Variants in ATP6V0D2 observed in about 807,000 individuals in gnomAD.
ATP6V0D2 encodes V-type proton ATPase subunit d 2.
Under a neutral mutation model 40.0 loss-of-function variants are expected in ATP6V0D2, and 40 were observed. That is an observed-to-expected ratio of 1.00 (90% CI 0.78 to 1.30). ATP6V0D2 has a LOEUF of 1.30. ATP6V0D2 is among the 50% of genes most tolerant of loss of function. The pLI, the probability that ATP6V0D2 is intolerant of heterozygous loss-of-function variation, is 0.00. For missense variants in ATP6V0D2, 470 were observed against 423.1 expected, an observed-to-expected ratio of 1.11 and a Z score of -0.97; for synonymous variants, 179 against 156.3, an observed-to-expected ratio of 1.15 and a Z score of -1.08.
At chr8:86,116,005 C>A (rs904133137) in intron 2 of ATP6V0D2, among the ~76,000 whole-genome samples, 6 of 152,090 alleles carry the variant, frequency 3.9e-5, no homozygotes, top group Non-Finnish European at 7.4e-5. Context: ...AAGGAAGGCT[C>A]TTCTGTTTGG....
intron 3 of ATP6V0D2, among the ~76,000 whole-genome samples, chr8:86,140,831 G>A (rs566409569): frequency 3.3e-5 from 5 of 152,106 alleles, no homozygotes; most frequent in Admixed American, 6.6e-5. Flanking sequence ...CATTTATTGC[G>A]CACATTATTT....
Position 86,115,358 on chromosome 8 carries a change from A to ATTTTTTTTTTTTTTTT in ATP6V0D2, c.302+1491_302+1506dup, listed in dbSNP as rs564384965. The stretch of plus-strand genomic sequence containing the variant: ...CTTTCTTTGTCCTTCCGTATCATCC[A>ATTTTTTTTTTTTTTTT]TTTTTTTTTTTTTTTTTTTTTTTTT... On this transcript the variant is annotated intron_variant, in intron 2 of 7. Coordinates refer to ENST00000285393, the MANE Select transcript of ATP6V0D2 (RefSeq NM_152565.1). 1.1e-4 allele frequency among the ~76,000 whole-genome samples: 8 copies of ATTTTTTTTTTTTTTTT among 73,278 alleles called. 1 individual carries two copies. The highest frequency in any genetic ancestry group is 3.4e-4 in the African/African-American group (6 of 17,846). The allele number at this position is 73,278 out of a possible 152,430, so 48.1% of individuals were successfully genotyped here. A position where few individuals can be genotyped will look rare whatever the true frequency, so the allele number is the denominator to read the frequency against.
intron 5 of ATP6V0D2, among the ~76,000 whole-genome samples, chr8:86,144,893 C>T (rs1009463177): frequency 2.0e-5 from 3 of 151,710 alleles, no homozygotes; most frequent in Non-Finnish European, 4.4e-5. Context: ...TGGTGGCTCA[C>T]ACCTATAATC....
intron 5 of ATP6V0D2, among the ~76,000 whole-genome samples, chr8:86,148,910 A>G (rs959950128): frequency 2.0e-5 from 3 of 151,870 alleles, no homozygotes; most frequent in African/African-American, 7.3e-5. Context: ...CGTCTCTACA[A>G]GAAAAATTAC....
Position 86,152,854 on chromosome 8 carries a change from C to T in ATP6V0D2, c.930C>T (p.His310=), listed in dbSNP as rs773066311. The T allele has an allele frequency of 8.1e-6, 13 of 1,610,116 alleles. No individual in the cohort carries two copies. The highest frequency in any genetic ancestry group is 1.7e-4 in the Middle Eastern group (1 of 6,044). Residue 310 remains histidine (H), a synonymous_variant, in exon 8 of 8, where the codon CAC becomes CAT. Transcript: ENST00000285393. The part of the protein sequence containing the change: ...MNVLAFNRQF[H]YGVFYAYVKL... ...TGCTGGCATTCAACAGACAGTTCCA[C>T]TACGGTGTGTTTTATGCATATGTAA... is the stretch of plus-strand genomic sequence containing the variant.
At chr8:86,124,547 T>C (rs1818714603) in intron 2 of ATP6V0D2, among the ~76,000 whole-genome samples, 1 of 152,142 alleles carries the variant, frequency 6.6e-6, no homozygotes, top group African/African-American at 2.4e-5. Context: ...AGGTGAGAAA[T>C]TCTTATAACC....
At chr8:86,148,483 A>G (rs1349198682) in intron 5 of ATP6V0D2, among the ~76,000 whole-genome samples, 1 of 152,206 alleles carries the variant, frequency 6.6e-6, no homozygotes, top group East Asian at 1.9e-4. Context: ...AACCAGTCAA[A>G]AGCTGATTAG....
chr8:86,140,741 C>T (rs1217350830), intron 3 of ATP6V0D2, among the ~76,000 whole-genome samples: 1 of 152,108 alleles, frequency 6.6e-6, no homozygotes, highest in Non-Finnish European at 1.5e-5. Flanking sequence ...ACCTTTAGGG[C>T]AACAGGGACT....
chr8:86,107,011 G>C (rs1818477353), intron 1 of ATP6V0D2, among the ~76,000 whole-genome samples: 1 of 137,158 alleles, frequency 7.3e-6, no homozygotes, highest in African/African-American at 2.8e-5. Flanking sequence ...ACTTTAGCCT[G>C]GGTGACACAG....
intron 2 of ATP6V0D2, among the ~76,000 whole-genome samples, chr8:86,114,643 G>A (rs117432176): frequency 0.033 from 5,085 of 152,000 alleles, 147 homozygotes; most frequent in Non-Finnish European, 0.047. Flanking sequence ...GCACTCCAGC[G>A]AGGGCGACAG....
chr8:86,121,109 C>A (rs1286395190), intron 2 of ATP6V0D2, among the ~76,000 whole-genome samples: 6 of 152,122 alleles, frequency 3.9e-5, no homozygotes, highest in Non-Finnish European at 5.9e-5. Flanking sequence ...TGACAGTTAC[C>A]TATACAGATA....
intron 7 of ATP6V0D2, among the ~76,000 whole-genome samples, chr8:86,151,969 G>C (rs2033147585): frequency 2.0e-5 from 3 of 151,886 alleles, no homozygotes; most frequent in African/African-American, 7.3e-5. Flanking sequence ...TACATGTGCA[G>C]AATGTGCAGG....
chr8:86,136,380 T>A (rs370747775), intron 2 of ATP6V0D2, among the ~76,000 whole-genome samples: 4 of 152,314 alleles, frequency 2.6e-5, no homozygotes, highest in East Asian at 3.9e-4. Context: ...ATTAGGAATG[T>A]TCGCAGCTCA....
At chr8:86,141,361 A>G in intron 3 of ATP6V0D2, 89 bp from the exon 4 acceptor site, 1 of 863,856 alleles carries the variant, frequency 1.2e-6, no homozygotes, top group Non-Finnish European at 1.9e-6. Context: ...GTCAGGAGTG[A>G]GCAGAGGGTG....
chr8:86,131,926 C>T (rs1437466013), intron 2 of ATP6V0D2, among the ~76,000 whole-genome samples: 2 of 152,120 alleles, frequency 1.3e-5, no homozygotes. Flanking sequence ...ACATGTCCCC[C>T]TAGGTCTACA....
chr8:86,138,638 A>G (rs1818928097), intron 2 of ATP6V0D2, among the ~76,000 whole-genome samples: 1 of 152,216 alleles, frequency 6.6e-6, no homozygotes, highest in Non-Finnish European at 1.5e-5. Context: ...AAAATTCACA[A>G]TGTGATCTCA....
chr8:86,118,022 CTT>C lies in ATP6V0D2; in HGVS notation c.302+4144_302+4145del, dbSNP rs773372306. Among the ~76,000 whole-genome samples the C allele has an allele frequency of 4.0e-5, 5 of 124,426 alleles. No homozygotes were observed. The East Asian group carries it at 1.0e-3, about 25-fold the overall frequency. The allele number at this position is 124,426 out of a possible 152,430, so 81.6% of individuals were successfully genotyped here. On this transcript the variant is annotated intron_variant, in intron 2 of 7. Transcript: ENST00000285393. ...CTTTGTTTTCTTTCTTTCTTTCTTTCTTTCTTTTTTTTTCTTTCTTTCTTCTT... is the reference window on the plus strand; with the variant it reads ...CTTTGTTTTCTTTCTTTCTTTCTTTCTCTTTTTTTTTCTTTCTTTCTTCTT...
At chr8:86,117,255 T>G (rs2130243245) in intron 2 of ATP6V0D2, among the ~76,000 whole-genome samples, 1 of 152,344 alleles carries the variant, frequency 6.6e-6, no homozygotes, top group Non-Finnish European at 1.5e-5. Context: ...GTACCCTGTT[T>G]AGAAAGGCCT....
At chr8:86,141,642 T>A (rs1818975071) in intron 4 of ATP6V0D2, 113 bp downstream of exon 4, 1 of 715,258 alleles carries the variant, frequency 1.4e-6, no homozygotes, top group Non-Finnish European at 2.2e-6. Flanking sequence ...TATGAAACTG[T>A]GCATATTTGG....
Sources: gnomAD v4.1 joint callset for allele counts (sites outside exome capture counted in the v4.1 genomes callset) on GRCh38, gnomAD v4.1.1 for gene constraint, MANE v1.5 for transcripts, NCBI Gene and HGNC (gene_info 2026-07-23, HGNC 2026-07-21) for gene names.